Variants in CES5A observed in about 807,000 individuals in gnomAD.
CES5A encodes carboxylesterase 5.
Under a neutral mutation model 62.9 loss-of-function variants are expected in CES5A, and 67 were observed. The observed-to-expected ratio is 1.07, with a 90% CI of 0.88 to 1.31. CES5A has a LOEUF of 1.31. Among genes scored for constraint, CES5A ranks in the 50% most tolerant of loss-of-function variants. The pLI is 0.00. For synonymous variants in CES5A, 296 were observed against 280.8 expected (o/e 1.05, Z -0.54); for missense variants, 748 against 708.5 (o/e 1.06, Z -0.63).
In CES5A at chr16:55,859,544, T is replaced by C. The variant is rs1280578967; in HGVS notation, c.1056+3A>G. On this transcript the variant is annotated splice_donor_region_variant and intron_variant, in intron 8 of 12. Transcript: ENST00000290567. The stretch of plus-strand genomic sequence containing the variant: ...TGGCAGTATGGACAGCCAGAATTCT[T>C]ACCATAGGCAGCAGGAAGCCACACT... 3 of 1,610,554 alleles carry C rather than the reference T, an allele frequency of 1.9e-6. No individual in the cohort carries two copies. Among genetic ancestry groups the C allele is most frequent in the Admixed American group, 3.4e-5 (2 of 59,456 alleles).
chr16:55,852,926 C>T lies in CES5A; in HGVS notation c.1228G>A (p.Val410Met), dbSNP rs1185889971. ...ATCAGTGCAGGGACCACAAAGAACACATCTCCAAGCAAGTCCAGAAGACTG... is the reference window on the plus strand; with the variant it reads ...ATCAGTGCAGGGACCACAAAGAACATATCTCCAAGCAAGTCCAGAAGACTG... ...RDSLLDLLGD[V>M]FFVVPALITA... The change falls in exon 10 of 13, where the codon GTG becomes ATG. Residue 410 changes from valine (V) to methionine (M), a missense_variant. Coordinates refer to ENST00000290567, the MANE Select transcript of CES5A (RefSeq NM_001143685.2). 5 of 1,614,176 alleles carry T rather than the reference C, an allele frequency of 3.1e-6. No individual in the cohort carries two copies. The highest frequency in any genetic ancestry group is 3.3e-4 in the Middle Eastern group (2 of 6,046).
chr16:55,856,192 A>G (rs143435205), intron 9 of CES5A, among the ~76,000 whole-genome samples, 185 bp downstream of exon 9: 392 of 152,272 alleles, frequency 2.6e-3, no homozygotes, highest in South Asian at 0.025. Context: ...TAAATTACCC[A>G]GTCTCAGGTA....
chr16:55,931,566 G>C (rs2034312225), intron 2 of CES5A, among the ~76,000 whole-genome samples: 2 of 152,150 alleles, frequency 1.3e-5, no homozygotes, highest in East Asian at 3.9e-4. Flanking sequence ...TTCTGGACTG[G>C]CCTTAACCCT....
At chr16:55,847,638 T>G (rs2033043004) in intron 11 of CES5A, among the ~76,000 whole-genome samples, 1 of 152,122 alleles carries the variant, frequency 6.6e-6, no homozygotes, top group African/African-American at 2.4e-5. Context: ...TGGACACGTA[T>G]TCTACATATT....
intron 2 of CES5A, among the ~76,000 whole-genome samples, chr16:55,937,639 C>A (rs549619696): frequency 2.0e-5 from 3 of 152,304 alleles, no homozygotes; most frequent in African/African-American, 7.2e-5. Context: ...AACTGGGACG[C>A]CTGCAAAGAG....
chr16:55,897,210 C>T (rs1361024148), intron 1 of CES5A, among the ~76,000 whole-genome samples: 1 of 152,106 alleles, frequency 6.6e-6, no homozygotes, highest in Non-Finnish European at 1.5e-5. Flanking sequence ...CCACTCCCTG[C>T]TGTCCTGACA....
intron 2 of CES5A, among the ~76,000 whole-genome samples, chr16:55,947,301 T>C (rs1042097368): frequency 1.3e-5 from 2 of 152,076 alleles, no homozygotes; most frequent in African/African-American, 4.8e-5. Flanking sequence ...GATAGCCTGA[T>C]ACGAAAAGGG....
At chr16:55,937,034 C>G (rs1178895528) in intron 2 of CES5A, among the ~76,000 whole-genome samples, 2 of 152,158 alleles carry the variant, frequency 1.3e-5, no homozygotes, top group Admixed American at 1.3e-4. Context: ...ATACATGATA[C>G]TATCACGAAG....
intron 2 of CES5A, among the ~76,000 whole-genome samples, chr16:55,931,375 A>G (rs889211163): frequency 2.0e-5 from 3 of 152,208 alleles, no homozygotes; most frequent in South Asian, 4.1e-4. Flanking sequence ...CATGATGCCC[A>G]AAAGGAATTA....
chr16:55,859,138 G>A (rs1373024979), intron 8 of CES5A, among the ~76,000 whole-genome samples: 37 of 152,212 alleles, frequency 2.4e-4, no homozygotes, highest in African/African-American at 8.9e-4. Context: ...TTAGCATTCA[G>A]GGATGTCAAA....
At chr16:55,931,992 C>T (rs2034317873) in intron 2 of CES5A, among the ~76,000 whole-genome samples, 1 of 152,186 alleles carries the variant, frequency 6.6e-6, no homozygotes, top group Admixed American at 6.5e-5. Flanking sequence ...TTAAGACCCT[C>T]ATTGGGTCAT....
chr16:55,938,418 A>C (rs1336881094), intron 2 of CES5A, among the ~76,000 whole-genome samples: 1 of 152,026 alleles, frequency 6.6e-6, no homozygotes, highest in Non-Finnish European at 1.5e-5. Context: ...CCTAGGGCTT[A>C]AGGGGGCAAT....
intron 1 of CES5A, among the ~76,000 whole-genome samples, chr16:55,913,181 C>T (rs1210872168): frequency 6.6e-6 from 1 of 152,058 alleles, no homozygotes; most frequent in Non-Finnish European, 1.5e-5. Context: ...ATTGGTCAGG[C>T]TGGAAATGGA....
At chr16:55,866,678 AT>A (rs372698210) in intron 4 of CES5A, among the ~76,000 whole-genome samples, 3,177 of 100,800 alleles carry the variant, frequency 0.032, 229 homozygotes, top group African/African-American at 0.11. Flanking sequence ...AAAAAAAAAA[AT>A]ACAAAAAAAT....
chr16:55,890,731 C>T (rs930549413), intron 1 of CES5A, among the ~76,000 whole-genome samples: 2 of 151,886 alleles, frequency 1.3e-5, no homozygotes, highest in African/African-American at 4.8e-5. Context: ...TCTTATCTTG[C>T]CCAAATATCC....
Position 55,889,750 on chromosome 16 carries a change from T to A in CES5A, c.-255-15713A>T, listed in dbSNP as rs542524986. On this transcript the variant is annotated intron_variant, in intron 1 of 12. Transcript: ENST00000518005. ...TAACCCAACTTTCAATGTCTCTCCCTTACCCTCTAATCACATGGTTGGTTC... is the reference window on the plus strand; with the variant it reads ...TAACCCAACTTTCAATGTCTCTCCCATACCCTCTAATCACATGGTTGGTTC... Among the ~76,000 whole-genome samples the A allele has an allele frequency of 2.0e-5, 3 of 152,210 alleles. No homozygotes were observed. In the East Asian group the frequency reaches 5.8e-4, roughly 29 times the overall value.
intron 4 of CES5A, 40 bp downstream of exon 4, chr16:55,869,571 C>T (rs1444890351): frequency 1.2e-6 from 2 of 1,606,276 alleles, no homozygotes; most frequent in Admixed American, 1.7e-5. Flanking sequence ...CACTGCTGCC[C>T]TTTGGGGATC....
rs148999268 is a variant in CES5A, at chr16:55,952,999, A to G, written c.42+2845T>C. 8.6e-3 allele frequency among the ~76,000 whole-genome samples: 1,315 copies of G among 152,324 alleles called. 11 individuals carry two copies. The highest frequency in any genetic ancestry group is 0.013 in the Non-Finnish European group (866 of 67,996). ...AATATTGTTTATGAGCAAAGATACA[A>G]AAATTCTATCTAAAGTATTAGAAAG... On this transcript the variant is annotated intron_variant, in intron 1 of 13. Coordinates refer to the CES5A transcript ENST00000521992.
chr16:55,933,100 C>T (rs2034331207), intron 2 of CES5A, among the ~76,000 whole-genome samples: 3 of 152,170 alleles, frequency 2.0e-5, no homozygotes, highest in Admixed American at 6.5e-5. Context: ...TCTTGCAGCT[C>T]TACCATTTGG....
Sources: allele counts gnomAD v4.1 joint callset (sites outside exome capture counted in the v4.1 genomes callset), GRCh38; gene constraint gnomAD v4.1.1; transcripts MANE v1.5; gene names NCBI Gene and HGNC (gene_info 2026-07-23, HGNC 2026-07-21).